Variants in ZBTB8A observed in about 807,000 individuals in gnomAD.
ZBTB8A encodes the protein zinc finger and BTB domain-containing protein 8A.
ZBTB8A carries 19 observed loss-of-function variants against 37.8 expected under a neutral mutation model. That is an observed-to-expected ratio of 0.50 (90% confidence interval 0.35 to 0.74). The LOEUF (loss-of-function observed/expected upper bound fraction) is 0.74. Ranked by LOEUF, ZBTB8A falls within the 30% of genes least tolerant of loss-of-function variation. ZBTB8A has a pLI of 0.01. For missense variants in ZBTB8A, 394 were observed against 537.8 expected, an observed-to-expected ratio of 0.73 and a Z score of 2.65; for synonymous variants, 181 against 185.2, an observed-to-expected ratio of 0.98 and a Z score of 0.19.
In ZBTB8A at chr1:32,600,351, C is replaced by A; in HGVS notation, c.1258C>A (p.Leu420Met). ...GATTGTAGAAGATGGGTCTGCTGATCTGGTCATCCAACAGGTTGATGATAG... is the reference window on the plus strand; with the variant it reads ...GATTGTAGAAGATGGGTCTGCTGATATGGTCATCCAACAGGTTGATGATAG... ...VEIVEDGSAD[L>M]VIQQVDDSEE... Residue 420 changes from leucine (L) to methionine (M), a missense_variant, in exon 5 of 5, where the codon CTG (leucine) becomes ATG (methionine). Around this residue, in one of 4 missense-constraint regions of ZBTB8A, gnomAD observed 85 missense variants for 89.0 expected, o/e 0.95. Coordinates refer to ENST00000373510, the MANE Select transcript of ZBTB8A (RefSeq NM_001040441.3). 1 of 1,614,066 alleles carries A rather than the reference C, an allele frequency of 6.2e-7. No homozygotes were observed.
At chr1:32,562,092 A>G (rs369911618) in intron 2 of ZBTB8A, among the ~76,000 whole-genome samples, 41 of 147,804 alleles carry the variant, frequency 2.8e-4, no homozygotes, top group African/African-American at 8.5e-4. Flanking sequence ...GGAGGCCACC[A>G]CACCCAGCCA....
chr1:32,585,187 T>C (rs957918416), intron 2 of ZBTB8A, among the ~76,000 whole-genome samples: 1 of 151,424 alleles, frequency 6.6e-6, no homozygotes, highest in Non-Finnish European at 1.5e-5. Context: ...TGTGCCATTT[T>C]CTTATTTTTG....
In ZBTB8A at chr1:32,600,605, G is replaced by T. The variant is rs1436758599; in HGVS notation, c.*186G>T. ...ATTCTGAACTTTGTTGCCCTAAAAT[G>T]TGTTGCTGCACTGGAAAGAAAGAAC... On this transcript the variant is annotated 3_prime_UTR_variant, in exon 5 of 5. Transcript: ENST00000373510. 1 of 569,280 alleles carries T rather than the reference G, an allele frequency of 1.8e-6. No individual in the cohort carries two copies. Among genetic ancestry groups the T allele is most frequent in the Non-Finnish European group, 3.1e-6 (1 of 323,046 alleles). The allele number at this position is 569,280 out of a possible 1,614,324, so 35.3% of individuals were successfully genotyped here. A position where few individuals can be genotyped will look rare whatever the true frequency, so the allele number is the denominator to read the frequency against.
At chr1:32,564,875 A>G (rs1266910375) in intron 2 of ZBTB8A, among the ~76,000 whole-genome samples, 2 of 152,174 alleles carry the variant, frequency 1.3e-5, no homozygotes, top group East Asian at 3.8e-4. Context: ...CAGAGATCAT[A>G]CAGTCCCACC....
intron 4 of ZBTB8A, among the ~76,000 whole-genome samples, chr1:32,597,043 G>A (rs1279013133): frequency 6.6e-6 from 1 of 151,536 alleles, no homozygotes; most frequent in Admixed American, 6.6e-5. Context: ...GTCTCGCTCT[G>A]TTGCCCAGGC....
At chr1:32,549,628 C>T (rs1644134846) in intron 1 of ZBTB8A, among the ~76,000 whole-genome samples, 1 of 152,150 alleles carries the variant, frequency 6.6e-6, no homozygotes, top group Admixed American at 6.6e-5. Context: ...CTTTGAGAGG[C>T]CAAAGTGGGA....
chr1:32,550,690 G>A (rs1267693806), intron 1 of ZBTB8A, among the ~76,000 whole-genome samples: 1 of 152,072 alleles, frequency 6.6e-6, no homozygotes, highest in Admixed American at 6.5e-5. Context: ...CAGGCGTGTT[G>A]GGTCACGCCT....
intron 4 of ZBTB8A, 137 bp downstream of exon 4, chr1:32,595,360 C>T (rs374169928): frequency 3.2e-5 from 26 of 803,280 alleles, no homozygotes; most frequent in African/African-American, 1.6e-4. Flanking sequence ...CTCTGCCTCC[C>T]GGGTTCAAGC....
chr1:32,586,735 G>A (rs1464595743), intron 2 of ZBTB8A, among the ~76,000 whole-genome samples: 1 of 152,070 alleles, frequency 6.6e-6, no homozygotes, highest in Non-Finnish European at 1.5e-5. Context: ...TGCAGTGAGT[G>A]AGGAGCAGAG....
rs769142018 is a variant in ZBTB8A at position 32,600,417 on chromosome 1, T to C, written c.1324T>C (p.Ter442GlnextTer2). Residue 442 changes from the stop codon to glutamine, a stop_lost, in exon 5 of 5, where the codon TAG becomes CAG. Coordinates refer to ENST00000373510, the MANE Select transcript of ZBTB8A (RefSeq NM_001040441.3). ...AAAAGAAATTAAGCCCAACATTAGG[T>C]AGCTGTAATGTGAACCAACAGAGCT... The part of the protein sequence containing the change: ...EEKEIKPNIR[*>Q] 1.2e-6 allele frequency: 2 copies of C among 1,605,696 alleles called. No individual in the cohort carries two copies. Among genetic ancestry groups the C allele is most frequent in the East Asian group, 2.2e-5 (1 of 44,864 alleles).
At position 32,548,763 on chromosome 1, in the gene ZBTB8A, G is replaced by A. The variant is rs112692751; in HGVS notation, c.-83-4696G>A. On this transcript the variant is annotated intron_variant, in intron 1 of 4. Transcript: ENST00000373510. ...AATAATAATAGCTGACATTTATCAA[G>A]GGCTTGTTATAAGCCAGGCACTGTT... Among the ~76,000 whole-genome samples the A allele has an allele frequency of 5.1e-3, 780 of 152,290 alleles. 6 individuals are homozygous for A. The highest frequency in any genetic ancestry group is 0.018 in the African/African-American group (755 of 41,558).
intron 2 of ZBTB8A, among the ~76,000 whole-genome samples, chr1:32,569,180 C>T (rs983801215): frequency 3.9e-5 from 6 of 151,980 alleles, no homozygotes; most frequent in Non-Finnish European, 5.9e-5. Context: ...GACATTTCCT[C>T]GTGGTTTTAA....
At chr1:32,569,919 G>A (rs1333468483) in intron 2 of ZBTB8A, among the ~76,000 whole-genome samples, 1 of 152,056 alleles carries the variant, frequency 6.6e-6, no homozygotes, top group Non-Finnish European at 1.5e-5. Context: ...CACTGCACTT[G>A]GTGTACTTCA....
chr1:32,574,375 A>G (rs1644345019), intron 2 of ZBTB8A, among the ~76,000 whole-genome samples: 1 of 152,090 alleles, frequency 6.6e-6, no homozygotes, highest in African/African-American at 2.4e-5. Flanking sequence ...GCAGGAGGAT[A>G]ACTTGAGGCC....
chr1:32,557,110 T>C (rs1293919948), intron 2 of ZBTB8A, among the ~76,000 whole-genome samples: 2 of 151,534 alleles, frequency 1.3e-5, no homozygotes, highest in Admixed American at 6.6e-5. Context: ...GAGAACAGCC[T>C]GGCCAACATA....
chr1:32,583,532 A>G (rs1644423699), intron 2 of ZBTB8A, among the ~76,000 whole-genome samples: 1 of 152,168 alleles, frequency 6.6e-6, no homozygotes, highest in African/African-American at 2.4e-5. Context: ...AAATCCATTA[A>G]TGTAATATAC....
At chr1:32,551,783 C>T (rs986545352) in intron 1 of ZBTB8A, among the ~76,000 whole-genome samples, 5 of 152,096 alleles carry the variant, frequency 3.3e-5, no homozygotes, top group Non-Finnish European at 5.9e-5. Flanking sequence ...ATGTTCCCTA[C>T]GCTGGTCTGG....
chr1:32,605,610 CAGG>C lies in ZBTB8A; in HGVS notation c.*5194_*5196del, dbSNP rs1330064954. Reference sequence around the variant, plus strand: ...ATCCCAGCTACTCTGGGGGCTGAGACAGGAGAATTGCTTGAACTCAGGAGGCGG... The same window carrying C: ...ATCCCAGCTACTCTGGGGGCTGAGACAGAATTGCTTGAACTCAGGAGGCGG... On this transcript the variant is annotated 3_prime_UTR_variant, in exon 5 of 5. Coordinates refer to ENST00000373510, the MANE Select transcript of ZBTB8A (RefSeq NM_001040441.3). 3 of 144,936 alleles carry C rather than the reference CAGG, an allele frequency of 2.1e-5. No individual in the cohort carries two copies. The highest frequency in any genetic ancestry group is 7.8e-5 in the African/African-American group (3 of 38,596). 9.0% of individuals were successfully genotyped at this position (144,936 alleles called of 1,614,324 possible).
chr1:32,547,640 A>AG (rs1431922519), intron 1 of ZBTB8A, among the ~76,000 whole-genome samples: 41 of 148,936 alleles, frequency 2.8e-4, no homozygotes, highest in East Asian at 1.4e-3. Flanking sequence ...AAAAAAAAAA[A>AG]AAAGAAAGAA....
Sources: allele counts gnomAD v4.1 joint callset (sites outside exome capture counted in the v4.1 genomes callset), GRCh38; gene constraint gnomAD v4.1.1; regional missense constraint gnomAD v4.1.1; transcripts MANE v1.5; gene names NCBI Gene and HGNC (gene_info 2026-07-23, HGNC 2026-07-21).